The following UNC5C variants were observed in gnomAD, a reference collection of about 807,000 sequenced individuals.
UNC5C encodes unc-5 netrin receptor C.
In UNC5C, 47 loss-of-function variants were observed where a neutral mutation model predicts 99.8. The observed-to-expected ratio is 0.47, with a 90% confidence interval of 0.37 to 0.60. The LOEUF is 0.60. UNC5C is among the 20% of genes least tolerant of loss of function. The pLI, the probability that UNC5C is intolerant of heterozygous loss-of-function variation, is 0.00. For missense variants in UNC5C, 1,062 were observed against 1,165.9 expected (o/e 0.91, Z 1.30); for synonymous variants, 487 against 452.2 (o/e 1.08, Z -0.98).
chr4:95,379,694 T>C (rs960480952), intron 1 of UNC5C, among the ~76,000 whole-genome samples: 6 of 152,164 alleles, frequency 3.9e-5, no homozygotes, highest in African/African-American at 1.4e-4. Context: ...CCTCATTCCT[T>C]GTGGAATTTT....
chr4:95,235,580 T>C (rs925277229), intron 7 of UNC5C, among the ~76,000 whole-genome samples: 1 of 152,202 alleles, frequency 6.6e-6, no homozygotes, highest in East Asian at 1.9e-4. Context: ...CTGAATGGTA[T>C]TGCCTAGGTT....
intron 1 of UNC5C, among the ~76,000 whole-genome samples, chr4:95,346,033 G>A (rs184834523): frequency 6.6e-6 from 1 of 150,752 alleles, no homozygotes; most frequent in African/African-American, 2.4e-5. Flanking sequence ...TTGAAATGAA[G>A]AAAACAATAA....
intron 1 of UNC5C, among the ~76,000 whole-genome samples, chr4:95,482,368 G>T (rs1020247165): frequency 1.3e-5 from 2 of 152,194 alleles, no homozygotes; most frequent in South Asian, 2.1e-4. Context: ...AACAGGTGCT[G>T]GAGAGGATAT....
In UNC5C at chr4:95,219,388, A is replaced by C. The variant is rs950556050; in HGVS notation, c.1301-75T>G. On this transcript the variant is annotated intron_variant, in intron 8 of 15. Coordinates refer to ENST00000453304, the MANE Select transcript of UNC5C (RefSeq NM_003728.4). ...ACCTACATTAGTCAGACTCCCCCTC[A>C]CACTTTCTGAGCCGAAAGTAAAGCA... 5 of 1,429,772 alleles carry C rather than the reference A, an allele frequency of 3.5e-6. No individual in the cohort carries two copies. The Admixed American group carries it at 1.0e-4, about 29-fold the overall frequency. 88.6% of individuals were successfully genotyped at this position (1,429,772 alleles called of 1,614,324 possible).
rs375497013 is a variant in UNC5C, at chr4:95,284,625, A to C, written c.491-6263T>G. Among the ~76,000 whole-genome samples, 670 of 152,296 alleles carry C rather than the reference A, an allele frequency of 4.4e-3. 4 individuals carry two copies. Among genetic ancestry groups the C allele is most frequent in the South Asian group, 6.8e-3 (33 of 4,828 alleles). ...GGTTACAGAAATTTGGTATTTAAAA[A>C]AATTAGCAAATTCTTTGTATAAATC... On this transcript the variant is annotated intron_variant, in intron 3 of 15. Transcript: ENST00000453304.
chr4:95,510,781 A>G lies in UNC5C; in HGVS notation c.124+37953T>C, dbSNP rs565116596. On this transcript the variant is annotated intron_variant, in intron 1 of 15. Coordinates refer to ENST00000453304, the MANE Select transcript of UNC5C (RefSeq NM_003728.4). The stretch of plus-strand genomic sequence containing the variant: ...CATTAATGAATGTTATATAATCTCC[A>G]TAGAATGGGAGTTTAATAAAAGCCT... 3.3e-5 allele frequency among the ~76,000 whole-genome samples: 5 copies of G among 152,256 alleles called. No homozygotes were observed. In the East Asian group the frequency reaches 9.7e-4, roughly 29 times the overall value.
At chr4:95,191,574 C>A (rs1313789203) in intron 12 of UNC5C, among the ~76,000 whole-genome samples, 2 of 151,696 alleles carry the variant, frequency 1.3e-5, no homozygotes, top group African/African-American at 2.4e-5. Flanking sequence ...TCACCCTCCT[C>A]CTCTATTCAC....
Position 95,235,055 on chromosome 4 carries a change from T to C in UNC5C, c.1108+7374A>G, listed in dbSNP as rs138870763. Among the ~76,000 whole-genome samples, 19 of 152,310 alleles carry C rather than the reference T, an allele frequency of 1.2e-4. No individual in the cohort carries two copies. The East Asian group carries it at 3.5e-3, about 28-fold the overall frequency. ...GTTCCAAATCCCCATGTCTTCAAAA[T>C]ACTTGTGTTACTGGCTATAAGTCTT... On this transcript the variant is annotated intron_variant, in intron 7 of 15. Transcript: ENST00000453304.
At chr4:95,179,760 A>AG (rs1553949901) in intron 14 of UNC5C, among the ~76,000 whole-genome samples, 83 of 151,572 alleles carry the variant, frequency 5.5e-4, no homozygotes, top group African/African-American at 1.3e-3. Context: ...AAAAAAAAAA[A>AG]AAAAAGAAAA....
chr4:95,248,961 C>A (rs1739597200), intron 5 of UNC5C, among the ~76,000 whole-genome samples: 1 of 152,156 alleles, frequency 6.6e-6, no homozygotes, highest in African/African-American at 2.4e-5. Context: ...TCCAGGCCTG[C>A]AAGCTTCATT....
Position 95,424,629 on chromosome 4 carries a change from C to G in UNC5C, c.125-88998G>C, listed in dbSNP as rs1746420821. ...CTCCACCTCCCGGGTTCATGCCATT[C>G]TCCTGCCTCAGCCTCCCGAGTAGCT... On this transcript the variant is annotated intron_variant, in intron 1 of 15. Transcript: ENST00000453304. 2.0e-5 allele frequency among the ~76,000 whole-genome samples: 3 copies of G among 146,966 alleles called. No homozygotes were observed. The South Asian group carries it at 6.5e-4, about 32-fold the overall frequency.
chr4:95,472,740 A>C (rs900151432), intron 1 of UNC5C, among the ~76,000 whole-genome samples: 1 of 152,066 alleles, frequency 6.6e-6, no homozygotes, highest in Non-Finnish European at 1.5e-5. Flanking sequence ...ATAATCTGAC[A>C]ATCGTTTCAG....
At chr4:95,548,331 G>T (rs75936635) in intron 1 of UNC5C, among the ~76,000 whole-genome samples, 31 of 152,116 alleles carry the variant, frequency 2.0e-4, no homozygotes, top group African/African-American at 7.5e-4. Context: ...CGCATCATGC[G>T]CTTCGGGGTG....
intron 1 of UNC5C, among the ~76,000 whole-genome samples, chr4:95,398,760 A>G (rs1745599976): frequency 6.6e-6 from 1 of 152,186 alleles, no homozygotes; most frequent in African/African-American, 2.4e-5. Context: ...GTGCCTTCTC[A>G]GTGGGATGGT....
At chr4:95,394,205 G>A (rs1745443177) in intron 1 of UNC5C, among the ~76,000 whole-genome samples, 1 of 151,442 alleles carries the variant, frequency 6.6e-6, no homozygotes, top group Non-Finnish European at 1.5e-5. Flanking sequence ...GTACCCAGCT[G>A]CTTTCTAAAT....
chr4:95,236,713 C>T (rs761346883), intron 7 of UNC5C, among the ~76,000 whole-genome samples: 11 of 152,088 alleles, frequency 7.2e-5, no homozygotes, highest in East Asian at 3.9e-4. Context: ...TACCTTTACA[C>T]GCTTATCACT....
At chr4:95,262,083 G>A (rs1340560523) in intron 4 of UNC5C, among the ~76,000 whole-genome samples, 1 of 152,114 alleles carries the variant, frequency 6.6e-6, no homozygotes, top group Non-Finnish European at 1.5e-5. Flanking sequence ...TGAAAATCTT[G>A]CCATCATATA....
intron 1 of UNC5C, among the ~76,000 whole-genome samples, chr4:95,378,305 T>C (rs1255959147): frequency 6.6e-6 from 1 of 152,210 alleles, no homozygotes; most frequent in Non-Finnish European, 1.5e-5. Context: ...GATCCTTAGA[T>C]ATATAATCTA....
chr4:95,184,060 G>GTAT (rs1432895858), intron 13 of UNC5C, among the ~76,000 whole-genome samples: 1 of 152,174 alleles, frequency 6.6e-6, no homozygotes, highest in African/African-American at 2.4e-5. Context: ...GAGATTTATA[G>GTAT]TATTTTATGA....
Sources: gnomAD v4.1 joint callset for allele counts (sites outside exome capture counted in the v4.1 genomes callset) on GRCh38, gnomAD v4.1.1 for gene constraint, MANE v1.5 for transcripts, NCBI Gene and HGNC (gene_info 2026-07-23, HGNC 2026-07-21) for gene names.